SSBP2: variants seen among roughly 807,000 people sequenced by gnomAD.
SSBP2 encodes single stranded DNA binding protein 2.
In SSBP2, 17 loss-of-function variants were observed where a neutral mutation model predicts 61.8. The ratio of observed to expected loss-of-function variants is 0.28; its 90% confidence interval spans 0.19 to 0.41. SSBP2 has a LOEUF of 0.41. Ranked by LOEUF, SSBP2 falls within the 10% of genes least tolerant of loss-of-function variation. The pLI is 1.00. For missense variants in SSBP2, 310 were observed against 458.7 expected, an observed-to-expected ratio of 0.68 and a Z score of 2.96; for synonymous variants, 139 against 141.3, an observed-to-expected ratio of 0.98 and a Z score of 0.12.
intron 6 of SSBP2, among the ~76,000 whole-genome samples, chr5:81,479,532 T>TCCA (rs1765828070): frequency 1.3e-5 from 2 of 152,040 alleles, no homozygotes; most frequent in African/African-American, 4.8e-5. Flanking sequence ...CCTCAAGTGA[T>TCCA]CCACCCACCT....
chr5:81,619,604 T>A (rs1746358520), intron 3 of SSBP2, among the ~76,000 whole-genome samples: 1 of 147,902 alleles, frequency 6.8e-6, no homozygotes, highest in Admixed American at 6.8e-5. Flanking sequence ...ACTCATTTTA[T>A]GGGCCAGCAT....
chr5:81,655,954 A>T (rs1480181700), intron 1 of SSBP2, among the ~76,000 whole-genome samples: 3 of 152,188 alleles, frequency 2.0e-5, no homozygotes, highest in Admixed American at 2.0e-4. Context: ...ATTTTTTAAG[A>T]GTAGGAGGAC....
intron 5 of SSBP2, among the ~76,000 whole-genome samples, chr5:81,505,124 C>T (rs1768081638): frequency 6.6e-6 from 1 of 151,924 alleles, no homozygotes; most frequent in Non-Finnish European, 1.5e-5. Context: ...AATTATGGCT[C>T]ACAGGCCAAA....
intron 4 of SSBP2, among the ~76,000 whole-genome samples, chr5:81,516,962 G>A (rs180793316): frequency 1.6e-3 from 237 of 152,164 alleles, no homozygotes; most frequent in African/African-American, 5.5e-3. Flanking sequence ...CATAAAGCAT[G>A]TATTATTACT....
chr5:81,577,139 C>T (rs767958745), intron 4 of SSBP2, among the ~76,000 whole-genome samples: 45 of 151,840 alleles, frequency 3.0e-4, no homozygotes, highest in Middle Eastern at 3.2e-3. Context: ...GTTATATGAG[C>T]CGTGTGTAAT....
intron 10 of SSBP2, among the ~76,000 whole-genome samples, chr5:81,460,539 T>A (rs1426011099): frequency 6.6e-6 from 1 of 152,136 alleles, no homozygotes; most frequent in East Asian, 1.9e-4. Context: ...TCCCAAGATG[T>A]CAGGTATATA....
At chr5:81,709,037 C>T (rs766312155) in intron 1 of SSBP2, among the ~76,000 whole-genome samples, 17 of 151,912 alleles carry the variant, frequency 1.1e-4, no homozygotes, top group Non-Finnish European at 2.1e-4. Flanking sequence ...CCAGGCTACA[C>T]AGGAGTATAA....
chr5:81,616,349 C>T (rs1746027824), intron 3 of SSBP2: 1 of 144,744 alleles, frequency 6.9e-6, no homozygotes, highest in Admixed American at 7.0e-5. Context: ...ACGGACGCAC[C>T]TGGAAAATCG....
At chr5:81,534,020 C>T (rs1251939041) in intron 4 of SSBP2, among the ~76,000 whole-genome samples, 1 of 152,124 alleles carries the variant, frequency 6.6e-6, no homozygotes, top group South Asian at 2.1e-4. Context: ...TCAAGAGAAA[C>T]TAACCGGAGC....
At chr5:81,665,271 G>T (rs1414546692) in intron 1 of SSBP2, among the ~76,000 whole-genome samples, 1 of 152,024 alleles carries the variant, frequency 6.6e-6, no homozygotes, top group African/African-American at 2.4e-5. Flanking sequence ...TGTAAGCAAG[G>T]CTAGAGAATA....
chr5:81,445,138 T>TTATATATATA (rs1160080305), intron 12 of SSBP2, among the ~76,000 whole-genome samples: 1,315 of 33,376 alleles, frequency 0.039, 96 homozygotes, highest in Non-Finnish European at 0.055. Flanking sequence ...AAAAAAAATT[T>TTATATATATA]TATATATATA....
At chr5:81,446,603 A>T (rs965122636) in intron 12 of SSBP2, among the ~76,000 whole-genome samples, 5 of 152,150 alleles carry the variant, frequency 3.3e-5, no homozygotes, top group African/African-American at 1.2e-4. Context: ...ATAAATCTTT[A>T]AGTTAGACAC....
intron 4 of SSBP2, among the ~76,000 whole-genome samples, chr5:81,609,953 ACT>A (rs1745284429): frequency 6.6e-6 from 1 of 151,840 alleles, no homozygotes; most frequent in African/African-American, 2.4e-5. Flanking sequence ...ACCCTTGCAT[ACT>A]CTCTCCACTG....
At chr5:81,630,228 G>C (rs1747571546) in intron 3 of SSBP2, among the ~76,000 whole-genome samples, 1 of 152,146 alleles carries the variant, frequency 6.6e-6, no homozygotes, top group African/African-American at 2.4e-5. Flanking sequence ...ACATAAAAAG[G>C]CAACAATTAT....
chr5:81,657,688 G>C (rs1161205191), intron 1 of SSBP2, among the ~76,000 whole-genome samples: 1 of 152,104 alleles, frequency 6.6e-6, no homozygotes, highest in African/African-American at 2.4e-5. Flanking sequence ...AATCATAATG[G>C]TAGCTTTATG....
chr5:81,728,101 C>T (rs1263633510), intron 1 of SSBP2, among the ~76,000 whole-genome samples: 1 of 152,170 alleles, frequency 6.6e-6, no homozygotes, highest in Non-Finnish European at 1.5e-5. Flanking sequence ...CAGAATTAGG[C>T]AAGGACCAGA....
At chr5:81,576,075 T>C (rs1247992586) in intron 4 of SSBP2, among the ~76,000 whole-genome samples, 1 of 152,198 alleles carries the variant, frequency 6.6e-6, no homozygotes, top group South Asian at 2.1e-4. Context: ...TATTATCATA[T>C]GCCTAGTTTC....
intron 4 of SSBP2, among the ~76,000 whole-genome samples, chr5:81,559,158 CAGG>C (rs1365105541): frequency 6.6e-6 from 1 of 151,888 alleles, no homozygotes; most frequent in Non-Finnish European, 1.5e-5. Flanking sequence ...GAGGCCAAGG[CAGG>C]TGGATCATGA....
chr5:81,731,508 G>A (rs1351331617), intron 1 of SSBP2, among the ~76,000 whole-genome samples: 1 of 152,060 alleles, frequency 6.6e-6, no homozygotes, highest in African/African-American at 2.4e-5. Context: ...AGGCAAAAAT[G>A]TTTACCTACT....
Sources: gnomAD v4.1 joint callset for allele counts (sites outside exome capture counted in the v4.1 genomes callset) on GRCh38, gnomAD v4.1.1 for gene constraint, MANE v1.5 for transcripts, NCBI Gene and HGNC (gene_info 2026-07-23, HGNC 2026-07-21) for gene names.